IARS1: variants seen among roughly 807,000 people sequenced by gnomAD.
IARS1 encodes the protein isoleucine--tRNA ligase, cytoplasmic.
A neutral mutation model predicts 168.2 loss-of-function variants in IARS1; 124 were observed. The observed-to-expected ratio is 0.74, with a 90% confidence interval of 0.64 to 0.86. IARS1 has a LOEUF of 0.86. Among genes scored for constraint, IARS1 ranks in the 40% least tolerant of loss-of-function variants. The pLI, the probability that IARS1 is intolerant of heterozygous loss-of-function variation, is 0.00. For missense variants in IARS1, 1,452 were observed against 1,515.8 expected (o/e 0.96, Z 0.70); for synonymous variants, 532 against 529.4 (o/e 1.00, Z -0.07).
chr9:92,224,447 A>C lies in IARS1; in HGVS notation c.3410-958T>G, dbSNP rs963781702. Among the ~76,000 whole-genome samples the C allele has an allele frequency of 6.6e-5, 10 of 152,310 alleles. No individual in the cohort carries two copies. The East Asian group carries it at 1.7e-3, about 26-fold the overall frequency. On this transcript the variant is annotated intron_variant, in intron 31 of 33. Coordinates refer to ENST00000443024, the MANE Select transcript of IARS1 (RefSeq NM_002161.6). ...CTGGACTAAACGAGAACAGCCAGGG[A>C]CTCAAAGAACAGAATTAGAAAACTG...
intron 33 of IARS1, among the ~76,000 whole-genome samples, chr9:92,213,601 C>G (rs1838126988): frequency 6.6e-6 from 1 of 152,198 alleles, no homozygotes; most frequent in African/African-American, 2.4e-5. Flanking sequence ...ACAGAGCCTT[C>G]AGAGAGACTG....
At chr9:92,229,489 C>T (rs1024262691) in intron 30 of IARS1, among the ~76,000 whole-genome samples, 1 of 151,872 alleles carries the variant, frequency 6.6e-6, no homozygotes, top group Non-Finnish European at 1.5e-5. Context: ...AGATTTAAAC[C>T]TTTGTATTCA....
chr9:92,217,251 ATC>A (rs1177242877), intron 33 of IARS1, among the ~76,000 whole-genome samples: 2 of 151,676 alleles, frequency 1.3e-5, no homozygotes, highest in Non-Finnish European at 2.9e-5. Context: ...ACATACCAGA[ATC>A]TCTGAGACGC....
chr9:92,223,267 A>G, intron 32 of IARS1, 79 bp downstream of exon 32: 1 of 1,347,450 alleles, frequency 7.4e-7, no homozygotes, highest in Non-Finnish European at 1.0e-6. Flanking sequence ...GCCGACTAGA[A>G]ATACACACAT....
intron 19 of IARS1, among the ~76,000 whole-genome samples, chr9:92,257,498 C>G (rs1230815952): frequency 6.6e-6 from 1 of 152,200 alleles, no homozygotes; most frequent in Non-Finnish European, 1.5e-5. Flanking sequence ...AGTGCACCTG[C>G]CCAAGGACTG....
chr9:92,248,652 C>CAAAAA (rs886459066), intron 25 of IARS1, among the ~76,000 whole-genome samples: 1 of 46,736 alleles, frequency 2.1e-5, no homozygotes, highest in African/African-American at 7.9e-5. Context: ...GACCCTGTCA[C>CAAAAA]AAAAAAAAAA....
intron 6 of IARS1, among the ~76,000 whole-genome samples, chr9:92,281,101 A>G (rs1834491095): frequency 6.6e-6 from 1 of 151,884 alleles, no homozygotes; most frequent in Non-Finnish European, 1.5e-5. Context: ...TCACCTTAGT[A>G]GTCTCAAAAA....
At chr9:92,274,551 A>G (rs1347851363) in intron 9 of IARS1, 30 bp from the exon 10 acceptor site, 2 of 1,479,122 alleles carry the variant, frequency 1.4e-6, no homozygotes, top group Non-Finnish European at 1.9e-6. Flanking sequence ...GGCTTCAGGG[A>G]TGAAACATTA....
rs1231188424 is a variant in IARS1 at position 92,250,290 on chromosome 9, C to CTAA, written c.2430-2_2430-1insTTA. ...TGTTTTCTTGTCAATCAATTCTTCT[C>CTAA]TGAGTGGTAGAGGTAGGAATATGAA... On this transcript the variant is annotated splice_acceptor_variant, in intron 23 of 33. Transcript: ENST00000443024. LOFTEE classifies it high-confidence loss of function. The CTAA allele has an allele frequency of 6.4e-7, 1 of 1,556,742 alleles. No individual in the cohort carries two copies. The highest frequency in any genetic ancestry group is 2.2e-5 in the East Asian group (1 of 44,620).
rs1236343579 is a variant in IARS1 at position 92,250,627 on chromosome 9, G to A, written c.2429+86C>T. The stretch of plus-strand genomic sequence containing the variant: ...GAGGCAAGGCACAGATGGAGCTGGA[G>A]CAGGGAAATCCCTCCTCTTCCCCAC... On this transcript the variant is annotated intron_variant, in intron 23 of 33. Transcript: ENST00000443024. 2.2e-6 allele frequency: 3 copies of A among 1,390,336 alleles called. No homozygotes were observed. In the African/African-American group the frequency reaches 4.3e-5, roughly 20 times the overall value. The allele number at this position is 1,390,336 out of a possible 1,614,324, so 86.1% of individuals were successfully genotyped here. A position where few individuals can be genotyped will look rare whatever the true frequency, so the allele number is the denominator to read the frequency against.
chr9:92,261,459 G>A (rs948796437), intron 17 of IARS1, among the ~76,000 whole-genome samples: 6 of 152,316 alleles, frequency 3.9e-5, no homozygotes, highest in Admixed American at 3.9e-4. Context: ...AGGAGGGGAA[G>A]GCAATGCAGG....
chr9:92,248,652 CAAAAAAAAAAAAA>C (rs886459066), intron 25 of IARS1, among the ~76,000 whole-genome samples: 1 of 46,746 alleles, frequency 2.1e-5, no homozygotes, highest in Non-Finnish European at 4.3e-5. Context: ...GACCCTGTCA[CAAAAAAAAAAAAA>C]AAAAAAAAAA....
intron 30 of IARS1, among the ~76,000 whole-genome samples, chr9:92,234,696 T>C (rs1323148232): frequency 6.6e-6 from 1 of 152,162 alleles, no homozygotes; most frequent in East Asian, 1.9e-4. Flanking sequence ...CCATACAACA[T>C]CACTGAAGTT....
chr9:92,261,093 G>A (rs984068229), intron 17 of IARS1, among the ~76,000 whole-genome samples: 2 of 152,154 alleles, frequency 1.3e-5, no homozygotes, highest in Non-Finnish European at 2.9e-5. Flanking sequence ...TGGATCGCCT[G>A]AGCTCAGGAG....
intron 20 of IARS1, among the ~76,000 whole-genome samples, chr9:92,255,302 C>T (rs917485283): frequency 1.3e-5 from 2 of 152,318 alleles, no homozygotes; most frequent in Non-Finnish European, 2.9e-5. Context: ...AGGTCTGTGG[C>T]GGCCGCTGCT....
At chr9:92,211,104 G>C (rs1195736381) in intron 33 of IARS1, among the ~76,000 whole-genome samples, 4 of 152,182 alleles carry the variant, frequency 2.6e-5, no homozygotes, top group African/African-American at 9.7e-5. Context: ...AAACCTGACA[G>C]TTGTTGCTAA....
chr9:92,259,163 TCTCA>T (rs1831169498), intron 18 of IARS1, among the ~76,000 whole-genome samples, 165 bp from the exon 19 acceptor site: 1 of 152,180 alleles, frequency 6.6e-6, no homozygotes, highest in Admixed American at 6.5e-5. Flanking sequence ...CAAAACTCAC[TCTCA>T]CTTTCTATAA....
At chr9:92,279,931 T>C (rs1481861335) in intron 7 of IARS1, among the ~76,000 whole-genome samples, 4 of 152,210 alleles carry the variant, frequency 2.6e-5, no homozygotes, top group Admixed American at 2.0e-4. Context: ...ATTAGCATAA[T>C]GTCCTCCAGG....
intron 7 of IARS1, among the ~76,000 whole-genome samples, chr9:92,279,724 C>T (rs1369045051): frequency 6.6e-6 from 1 of 152,212 alleles, no homozygotes; most frequent in East Asian, 1.9e-4. Flanking sequence ...GTTGTGTAAT[C>T]ATTACCATTA....
Sources: gnomAD v4.1 joint callset for allele counts (sites outside exome capture counted in the v4.1 genomes callset) on GRCh38, gnomAD v4.1.1 for gene constraint, MANE v1.5 for transcripts, NCBI Gene and HGNC (gene_info 2026-07-23, HGNC 2026-07-21) for gene names.